The following GARS1 variants were observed in gnomAD, a reference collection of about 807,000 sequenced individuals.
GARS1 encodes glycyl-tRNA synthetase 1, also known as glycine--tRNA ligase.
Under a neutral mutation model 86.4 loss-of-function variants are expected in GARS1, and 46 were observed. The ratio of observed to expected loss-of-function variants is 0.53; its 90% confidence interval spans 0.42 to 0.68. The LOEUF (loss-of-function observed/expected upper bound fraction) is 0.68. Ranked by LOEUF, GARS1 falls within the 30% of genes least tolerant of loss-of-function variation. The probability of loss-of-function intolerance (pLI) is 0.00; values close to 1 mark genes in which losing one functional copy is unlikely to be tolerated. For synonymous variants in GARS1, 342 were observed against 329.8 expected, an observed-to-expected ratio of 1.04 and a Z score of -0.40; for missense variants, 797 against 915.6, an observed-to-expected ratio of 0.87 and a Z score of 1.67.
At chr7:30,599,678 C>T (rs1329237487) in intron 2 of GARS1, among the ~76,000 whole-genome samples, 3 of 152,206 alleles carry the variant, frequency 2.0e-5, no homozygotes, top group African/African-American at 7.2e-5. Context: ...ACTGGGATTA[C>T]AGGTGTGAGC....
At chr7:30,598,377 CTTTTTTTTTTTT>C (rs1174085518) in intron 1 of GARS1, among the ~76,000 whole-genome samples, 1 of 99,612 alleles carries the variant, frequency 1.0e-5, no homozygotes, top group Non-Finnish European at 2.0e-5. Context: ...TTGCATCATT[CTTTTTTTTTTTT>C]TTTTTTTTTT....
chr7:30,619,971 T>A (rs968781874), intron 10 of GARS1, among the ~76,000 whole-genome samples: 1 of 151,864 alleles, frequency 6.6e-6, no homozygotes, highest in Admixed American at 6.6e-5. Context: ...AAGACAGGAT[T>A]TCTCCGTGTT....
intron 12 of GARS1, 140 bp from the exon 13 acceptor site, chr7:30,626,094 A>G (rs907118279): frequency 4.8e-6 from 3 of 622,170 alleles, no homozygotes; most frequent in Admixed American, 2.9e-5. Context: ...AATAATTTAA[A>G]TTTGACATCA....
chr7:30,633,783 A>G lies in GARS1; in HGVS notation c.2143A>G (p.Thr715Ala). Residue 715 changes from threonine to alanine, a missense_variant, in exon 17 of 17, where the codon ACA becomes GCA. Transcript: ENST00000389266. ...IVQDLANGNI[T>A]WADVEARYPL... ...CCAAGACCTAGCCAATGGCAACATC[A>G]CATGGGCTGATGTGGAGGCCAGGTA... is the stretch of plus-strand genomic sequence containing the variant. 6.2e-7 allele frequency: 1 copy of G among 1,613,984 alleles called. No homozygotes were observed. The highest frequency in any genetic ancestry group is 1.6e-4 in the Middle Eastern group (1 of 6,062).
intron 14 of GARS1, among the ~76,000 whole-genome samples, chr7:30,630,564 G>A: frequency 6.8e-6 from 1 of 146,006 alleles, no homozygotes; most frequent in Non-Finnish European, 1.5e-5. Flanking sequence ...CAGCTGGAGT[G>A]CAGTGGCACA....
chr7:30,617,410 A>G (rs1368612556), intron 10 of GARS1, 132 bp downstream of exon 10: 2 of 1,136,764 alleles, frequency 1.8e-6, no homozygotes, highest in African/African-American at 3.1e-5. Flanking sequence ...CCTGAGCAAA[A>G]CAGAAAAAGC....
intron 12 of GARS1, among the ~76,000 whole-genome samples, chr7:30,623,926 T>C (rs909952228): frequency 2.0e-5 from 3 of 152,220 alleles, no homozygotes; most frequent in African/African-American, 4.8e-5. Flanking sequence ...TGAAATCTTT[T>C]AAAGTGCTTT....
chr7:30,595,497 C>T, intron 1 of GARS1, among the ~76,000 whole-genome samples: 1 of 152,298 alleles, frequency 6.6e-6, no homozygotes, highest in South Asian at 2.1e-4. Flanking sequence ...GTCCTCGCCT[C>T]CTAACTGAAT....
rs1783288183 is a variant in GARS1, at chr7:30,633,913, T to C, written c.*53T>C. The C allele has an allele frequency of 9.1e-6, 12 of 1,323,750 alleles. No homozygotes were observed. The highest frequency in any genetic ancestry group is 2.4e-5 in the East Asian group (1 of 42,332). 82.0% of individuals were successfully genotyped at this position (1,323,750 alleles called of 1,614,324 possible). A position where few individuals can be genotyped will look rare whatever the true frequency, so the allele number is the denominator to read the frequency against. On this transcript the variant is annotated 3_prime_UTR_variant, in exon 17 of 17. Coordinates refer to ENST00000389266, the MANE Select transcript of GARS1 (RefSeq NM_002047.4). ...TGCGCTAATAAAAAAAAAAAAAAACTACTCTTATGTCCACTTTACAAAAGA... is the reference window on the plus strand; with the variant it reads ...TGCGCTAATAAAAAAAAAAAAAAACCACTCTTATGTCCACTTTACAAAAGA...
At chr7:30,599,371 A>G (rs1562771099) in intron 2 of GARS1, among the ~76,000 whole-genome samples, 2 of 152,062 alleles carry the variant, frequency 1.3e-5, no homozygotes, top group African/African-American at 4.8e-5. Flanking sequence ...ATTGCTTTAT[A>G]TTGCTTATCA....
intron 4 of GARS1, 109 bp from the exon 5 acceptor site, chr7:30,602,925 T>G: frequency 1.2e-6 from 1 of 805,324 alleles, no homozygotes; most frequent in Non-Finnish European, 2.2e-6. Context: ...ATATGGGAGC[T>G]TCCATCTTTG....
Position 30,631,474 on chromosome 7 carries a change from T to A in GARS1, c.1836T>A (p.Ala612=). ...RTFFSFPAVV[A]PFKCSVLPLS... ...TCTTCAGTTTCCCTGCTGTAGTTGC[T>A]CCATTCAAATGTTCCGTCCTCCCAC... is the stretch of plus-strand genomic sequence containing the variant. The change falls in exon 15 of 17, where the codon GCT becomes GCA. Residue 612 remains alanine, a synonymous_variant. Transcript: ENST00000389266. 6.2e-7 allele frequency: 1 copy of A among 1,613,718 alleles called. No individual in the cohort carries two copies. The highest frequency in any genetic ancestry group is 8.5e-7 in the Non-Finnish European group (1 of 1,179,686).
chr7:30,595,497 C>G (rs756191017), intron 1 of GARS1, among the ~76,000 whole-genome samples: 5 of 152,180 alleles, frequency 3.3e-5, no homozygotes, highest in Admixed American at 6.5e-5. Flanking sequence ...GTCCTCGCCT[C>G]CTAACTGAAT....
At chr7:30,595,703 G>A in intron 1 of GARS1, 2 of 467,748 alleles carry the variant, frequency 4.3e-6, no homozygotes, top group South Asian at 1.6e-5. Context: ...GCTTAGTTTA[G>A]CGGAATGATT....
chr7:30,595,670 CT>C (rs1791232092), intron 1 of GARS1, among the ~76,000 whole-genome samples: 1 of 152,190 alleles, frequency 6.6e-6, no homozygotes, highest in Non-Finnish European at 1.5e-5. Flanking sequence ...GTGTTTCCCC[CT>C]TAACATCTTC....
At position 30,595,397 on chromosome 7, in the gene GARS1, C is replaced by G. The variant is rs531421058; in HGVS notation, c.222+254C>G. The stretch of plus-strand genomic sequence containing the variant: ...CTGGAACCCCTCCGACTTCCTGCGT[C>G]CCTCTCCGGCTCCGTTCTCCCTTCC... On this transcript the variant is annotated intron_variant, in intron 1 of 16. Coordinates refer to ENST00000389266, the MANE Select transcript of GARS1 (RefSeq NM_002047.4). 3.3e-5 allele frequency among the ~76,000 whole-genome samples: 5 copies of G among 152,312 alleles called. No individual in the cohort carries two copies. The South Asian group carries it at 1.0e-3, about 32-fold the overall frequency.
intron 2 of GARS1, 86 bp downstream of exon 2, chr7:30,598,983 A>G (rs1349644359): frequency 9.4e-6 from 10 of 1,060,244 alleles, no homozygotes; most frequent in East Asian, 5.0e-5. Flanking sequence ...GACCTAGAAA[A>G]GTTTCTGAAC....
intron 12 of GARS1, among the ~76,000 whole-genome samples, chr7:30,622,882 C>T (rs1388836964): frequency 6.6e-6 from 1 of 151,914 alleles, no homozygotes; most frequent in Admixed American, 6.6e-5. Flanking sequence ...GGGCAGATCA[C>T]GAGGTCAGGA....
At chr7:30,611,426 G>A (rs938099652) in intron 7 of GARS1, among the ~76,000 whole-genome samples, 1 of 152,184 alleles carries the variant, frequency 6.6e-6, no homozygotes, top group East Asian at 1.9e-4. Context: ...CTGCCTCCAT[G>A]TACATGATGA....
Sources: allele counts gnomAD v4.1 joint callset (sites outside exome capture counted in the v4.1 genomes callset), GRCh38; gene constraint gnomAD v4.1.1; transcripts MANE v1.5; gene names NCBI Gene and HGNC (gene_info 2026-07-23, HGNC 2026-07-21).